The following JMY variants were observed in gnomAD, a reference collection of about 807,000 sequenced individuals.
JMY encodes junction-mediating and -regulatory protein.
Under a neutral mutation model 103.3 loss-of-function variants are expected in JMY, and 46 were observed. That is an observed-to-expected ratio of 0.45 (90% CI 0.35 to 0.57). JMY has a LOEUF of 0.57. Ranked by LOEUF, JMY falls within the 20% of genes least tolerant of loss-of-function variation. The pLI, the probability that JMY is intolerant of heterozygous loss-of-function variation, is 0.00. For synonymous variants in JMY, 526 were observed against 489.3 expected (o/e 1.07, Z -0.99); for missense variants, 1,238 against 1,255.2 (o/e 0.99, Z 0.21).
At chr5:79,285,842 A>AT (rs1746251983) in intron 2 of JMY, among the ~76,000 whole-genome samples, 1 of 152,088 alleles carries the variant, frequency 6.6e-6, no homozygotes, top group African/African-American at 2.4e-5. Context: ...TCTAAGGTGG[A>AT]TTTCCCCCCT....
intron 4 of JMY, among the ~76,000 whole-genome samples, chr5:79,299,104 T>C (rs1218828012): frequency 6.6e-6 from 1 of 152,222 alleles, no homozygotes; most frequent in Non-Finnish European, 1.5e-5. Flanking sequence ...GTCTCCTCCT[T>C]TGAAGGTCAC....
chr5:79,319,989 G>A (rs553267999), intron 10 of JMY, among the ~76,000 whole-genome samples: 5 of 152,232 alleles, frequency 3.3e-5, no homozygotes, highest in East Asian at 1.9e-4. Context: ...TGCCTTGTTC[G>A]TTCCCCTCTG....
intron 9 of JMY, 143 bp downstream of exon 9, chr5:79,314,994 G>C (rs1332229996): frequency 1.4e-6 from 1 of 727,832 alleles, no homozygotes; most frequent in East Asian, 2.9e-5. Context: ...CACACTAGAG[G>C]AGAATTCTTA....
At chr5:79,305,539 G>T (rs1746856654) in intron 6 of JMY, among the ~76,000 whole-genome samples, 1 of 152,106 alleles carries the variant, frequency 6.6e-6, no homozygotes, top group East Asian at 1.9e-4. Context: ...AGTTTCCTTA[G>T]GAAAGGACAC....
At chr5:79,279,445 A>G (rs747046202) in intron 2 of JMY, among the ~76,000 whole-genome samples, 1 of 152,226 alleles carries the variant, frequency 6.6e-6, no homozygotes, top group Non-Finnish European at 1.5e-5. Context: ...TGTAATTCAT[A>G]TATAAATGTT....
At chr5:79,261,566 A>G (rs974820258) in intron 1 of JMY, among the ~76,000 whole-genome samples, 1 of 152,110 alleles carries the variant, frequency 6.6e-6, no homozygotes, top group Non-Finnish European at 1.5e-5. Context: ...CTAAAAAAAT[A>G]AAGTGCAGAT....
chr5:79,246,358 T>G (rs1278501532), intron 1 of JMY, among the ~76,000 whole-genome samples: 1 of 150,940 alleles, frequency 6.6e-6, no homozygotes, highest in Admixed American at 6.6e-5. Flanking sequence ...ACTGCAATAG[T>G]TAGTTAACCT....
At chr5:79,244,863 G>T (rs1744845110) in intron 1 of JMY, among the ~76,000 whole-genome samples, 2 of 149,048 alleles carry the variant, frequency 1.3e-5, no homozygotes, top group South Asian at 2.1e-4. Context: ...AGATAGTGAA[G>T]TTCATTTGGT....
In JMY at chr5:79,322,681, AGCTTTAGGT is replaced by A. The variant is rs2112130362; in HGVS notation, c.*1083_*1091del. The A allele has an allele frequency of 6.6e-6, 1 of 152,324 alleles. No homozygotes were observed. The highest frequency in any genetic ancestry group is 1.5e-5 in the Non-Finnish European group (1 of 68,034). The allele number at this position is 152,324 out of a possible 1,614,324, so 9.4% of individuals were successfully genotyped here. A position where few individuals can be genotyped will look rare whatever the true frequency, so the allele number is the denominator to read the frequency against. On this transcript the variant is annotated 3_prime_UTR_variant, in exon 11 of 11. Transcript: ENST00000396137. ...TCACTAAAATTTTAAACTTATACACAGCTTTAGGTGCTGATTTTGGCTGTGATGGAGTCC... is the reference window on the plus strand; with the variant it reads ...TCACTAAAATTTTAAACTTATACACAGCTGATTTTGGCTGTGATGGAGTCC...
At chr5:79,245,335 T>C (rs1213628110) in intron 1 of JMY, among the ~76,000 whole-genome samples, 1 of 152,156 alleles carries the variant, frequency 6.6e-6, no homozygotes, top group African/African-American at 2.4e-5. Context: ...ATAAAATTGG[T>C]CATGAAGTCA....
chr5:79,314,130 A>G (rs968523438), intron 8 of JMY, 127 bp from the exon 9 acceptor site: 54 of 1,448,722 alleles, frequency 3.7e-5, no homozygotes, highest in Non-Finnish European at 4.7e-5. Context: ...AAGTGCTGGG[A>G]TTACAGGCGT....
intron 4 of JMY, among the ~76,000 whole-genome samples, chr5:79,291,517 T>C (rs1005005203): frequency 1.3e-5 from 2 of 152,216 alleles, no homozygotes; most frequent in African/African-American, 4.8e-5. Flanking sequence ...AGCACTGCAC[T>C]GTTGATCAGA....
intron 7 of JMY, 105 bp downstream of exon 7, chr5:79,306,566 A>G (rs1321583231): frequency 1.3e-6 from 1 of 788,642 alleles, no homozygotes; most frequent in African/African-American, 1.7e-5. Flanking sequence ...CTGCATGTTA[A>G]CATTAGTTCA....
At chr5:79,262,960 T>C (rs530202172) in intron 1 of JMY, among the ~76,000 whole-genome samples, 28 of 152,366 alleles carry the variant, frequency 1.8e-4, no homozygotes, top group African/African-American at 6.3e-4. Flanking sequence ...GAAAATAGTA[T>C]CTAAACTTTG....
At chr5:79,267,107 CTAT>C (rs1388290877) in intron 1 of JMY, among the ~76,000 whole-genome samples, 1 of 152,124 alleles carries the variant, frequency 6.6e-6, no homozygotes, top group African/African-American at 2.4e-5. Flanking sequence ...TCAGTCTTCC[CTAT>C]TATTAACATT....
intron 1 of JMY, among the ~76,000 whole-genome samples, chr5:79,270,492 TA>T (rs1745728874): frequency 1.2e-5 from 1 of 83,900 alleles, no homozygotes; most frequent in South Asian, 3.7e-4. Flanking sequence ...AATATTTACA[TA>T]AAATATATAT....
intron 1 of JMY, among the ~76,000 whole-genome samples, chr5:79,268,860 C>CT (rs974926878): frequency 5.3e-5 from 8 of 152,288 alleles, no homozygotes; most frequent in East Asian, 3.9e-4. Context: ...TAAATTGGAT[C>CT]TTTTTTTACT....
Position 79,302,249 on chromosome 5 carries a change from G to A in JMY, c.1881+1386G>A, listed in dbSNP as rs191648464. On this transcript the variant is annotated intron_variant, in intron 6 of 10. Transcript: ENST00000396137. ...GTATAGTGCAGTACTTTTGAGACTCGGAATTTGCAAACCTGCAAGTTTTTG... is the reference window on the plus strand; with the variant it reads ...GTATAGTGCAGTACTTTTGAGACTCAGAATTTGCAAACCTGCAAGTTTTTG... Among the ~76,000 whole-genome samples, 26 of 152,162 alleles carry A rather than the reference G, an allele frequency of 1.7e-4. No individual in the cohort carries two copies. In the East Asian group the frequency reaches 5.0e-3, roughly 29 times the overall value.
At chr5:79,248,453 C>A (rs1246253421) in intron 1 of JMY, among the ~76,000 whole-genome samples, 1 of 151,244 alleles carries the variant, frequency 6.6e-6, no homozygotes, top group Non-Finnish European at 1.5e-5. Flanking sequence ...GTTACAGGTG[C>A]GTGCTACCAC....
Sources: allele counts gnomAD v4.1 joint callset (sites outside exome capture counted in the v4.1 genomes callset), GRCh38; gene constraint gnomAD v4.1.1; transcripts MANE v1.5; gene names NCBI Gene and HGNC (gene_info 2026-07-23, HGNC 2026-07-21).